The following CFTR variants were observed in gnomAD, a reference collection of about 807,000 sequenced individuals.
CFTR encodes the protein CF transmembrane conductance regulator, also known as cystic fibrosis transmembrane conductance regulator.
CFTR carries 181 observed loss-of-function variants against 171.6 expected under a neutral mutation model. The observed-to-expected ratio is 1.05, with a 90% CI of 0.93 to 1.19. The LOEUF is 1.19. CFTR is among the 50% of genes most tolerant of loss of function. CFTR has a pLI of 0.00. For synonymous variants in CFTR, 583 were observed against 608.0 expected, an observed-to-expected ratio of 0.96 and a Z score of 0.60; for missense variants, 1,968 against 1,734.7, an observed-to-expected ratio of 1.13 and a Z score of -2.39.
At chr7:117,513,117 C>T (rs976691806) in intron 3 of CFTR, among the ~76,000 whole-genome samples, 2 of 151,976 alleles carry the variant, frequency 1.3e-5, no homozygotes, top group African/African-American at 4.8e-5. Context: ...TGACAGGAGG[C>T]AGATTGATAA....
chr7:117,546,234 C>T (rs1799145289), intron 9 of CFTR, among the ~76,000 whole-genome samples: 1 of 151,932 alleles, frequency 6.6e-6, no homozygotes, highest in African/African-American at 2.4e-5. Context: ...CCTCGTGATC[C>T]ACTCGCCTCG....
chr7:117,481,094 T>C (rs940970657), intron 1 of CFTR, among the ~76,000 whole-genome samples: 4 of 152,304 alleles, frequency 2.6e-5, no homozygotes, highest in African/African-American at 9.6e-5. Context: ...AGCTCATATA[T>C]GTGTGTAGGG....
At chr7:117,586,573 A>G (rs1248628350) in intron 11 of CFTR, among the ~76,000 whole-genome samples, 1 of 152,178 alleles carries the variant, frequency 6.6e-6, no homozygotes, top group Non-Finnish European at 1.5e-5. Context: ...GTAAAGTCCT[A>G]TTTATGTCCA....
At chr7:117,497,377 C>T (rs1287283236) in intron 1 of CFTR, among the ~76,000 whole-genome samples, 2 of 152,034 alleles carry the variant, frequency 1.3e-5, no homozygotes, top group Admixed American at 6.6e-5. Flanking sequence ...TAAACCAAAG[C>T]CAAGCAGTTG....
At position 117,544,556 on chromosome 7, in the gene CFTR, A is replaced by G. The variant is rs1341222826; in HGVS notation, c.1209+2448A>G. 3.3e-5 allele frequency among the ~76,000 whole-genome samples: 5 copies of G among 152,196 alleles called. No individual in the cohort carries two copies. The East Asian group carries it at 9.6e-4, about 29-fold the overall frequency. ...TTCTTCTTTTGTGTCTAAGAGAAAG[A>G]TGTATACTTCTTCTTACCCTTGTCT... On this transcript the variant is annotated intron_variant, in intron 9 of 26. Coordinates refer to ENST00000003084, the MANE Select transcript of CFTR (RefSeq NM_000492.4).
intron 23 of CFTR, among the ~76,000 whole-genome samples, chr7:117,652,596 G>A (rs908108725): frequency 2.0e-5 from 3 of 151,844 alleles, no homozygotes; most frequent in Admixed American, 2.0e-4. Flanking sequence ...TTATTCTAAA[G>A]ACATTGGGAT....
intron 20 of CFTR, among the ~76,000 whole-genome samples, chr7:117,612,037 A>ATATATATATATATG (rs1792409432): frequency 1.4e-5 from 1 of 73,382 alleles, no homozygotes; most frequent in African/African-American, 6.1e-5. Flanking sequence ...ATATATATAT[A>ATATATATATATATG]TATATATATA....
At chr7:117,581,919 C>G (rs1445276498) in intron 11 of CFTR, among the ~76,000 whole-genome samples, 4 of 151,906 alleles carry the variant, frequency 2.6e-5, no homozygotes, top group African/African-American at 9.7e-5. Flanking sequence ...CCATACCTGG[C>G]TAAATTTTGC....
intron 21 of CFTR, 140 bp from the exon 22 acceptor site, chr7:117,627,382 G>A: frequency 2.3e-6 from 2 of 852,198 alleles, no homozygotes; most frequent in Non-Finnish European, 3.8e-6. Flanking sequence ...TTTCCTGTTA[G>A]TTCATTGAAA....
chr7:117,629,293 G>C (rs1300234082), intron 22 of CFTR, among the ~76,000 whole-genome samples: 3 of 152,124 alleles, frequency 2.0e-5, no homozygotes, highest in Admixed American at 6.6e-5. Flanking sequence ...TTTGTCAAAA[G>C]ACAAAATGAC....
chr7:117,654,202 G>A (rs1793129939), intron 24 of CFTR, among the ~76,000 whole-genome samples: 1 of 152,156 alleles, frequency 6.6e-6, no homozygotes, highest in South Asian at 2.1e-4. Context: ...ACTGGTCTGG[G>A]ATTGCATAGG....
intron 1 of CFTR, among the ~76,000 whole-genome samples, chr7:117,499,341 C>G (rs1051199444): frequency 2.7e-5 from 4 of 150,920 alleles, no homozygotes; most frequent in Non-Finnish European, 5.9e-5. Context: ...TTATAATTGG[C>G]AAGTTCTTTT....
At chr7:117,547,998 G>T (rs888632419) in intron 9 of CFTR, among the ~76,000 whole-genome samples, 2 of 152,148 alleles carry the variant, frequency 1.3e-5, no homozygotes, top group African/African-American at 4.8e-5. Flanking sequence ...GCTTCCCACG[G>T]GGGCAATAGT....
chr7:117,665,475 A>G lies in CFTR; in HGVS notation c.4153A>G (p.Arg1385Gly), dbSNP rs1438770412. Residue 1385 changes from arginine (R) to glycine (G), a missense_variant, in exon 26 of 27, where the codon AGA becomes GGA. Arg to Gly is a moderately radical substitution (Grantham distance 125). Transcript: ENST00000003084. ...HLDPVTYQII[R>G]RTLKQAFADC... The stretch of plus-strand genomic sequence containing the variant: ...CTTTTCTAGAACATACCAAATAATT[A>G]GAAGAACTCTAAAACAAGCATTTGC... 7 of 1,605,524 alleles carry G rather than the reference A, an allele frequency of 4.4e-6. No homozygotes were observed. The highest frequency in any genetic ancestry group is 6.0e-6 in the Non-Finnish European group (7 of 1,172,358).
At chr7:117,535,525 ATTTT>A (rs764945997) in intron 6 of CFTR, 114 bp downstream of exon 6, 717 of 497,822 alleles carry the variant, frequency 1.4e-3, no homozygotes, top group East Asian at 2.3e-3. Context: ...GTGTCATTAA[ATTTT>A]TTTTTTTTTT....
chr7:117,559,700 T>C (rs1562898581), intron 11 of CFTR, 45 bp downstream of exon 11: 5 of 1,280,326 alleles, frequency 3.9e-6, no homozygotes, highest in Non-Finnish European at 5.7e-6. Flanking sequence ...TATGAACCCT[T>C]CACACTACCC....
At chr7:117,631,081 T>C (rs555860837) in intron 22 of CFTR, among the ~76,000 whole-genome samples, 1 of 152,162 alleles carries the variant, frequency 6.6e-6, no homozygotes, top group South Asian at 2.1e-4. Flanking sequence ...CAAGTGATCC[T>C]CCCACCTCAT....
chr7:117,530,283 A>C (rs948249436), intron 3 of CFTR, among the ~76,000 whole-genome samples: 7 of 152,124 alleles, frequency 4.6e-5, no homozygotes, highest in African/African-American at 1.7e-4. Flanking sequence ...GGCTGATTTT[A>C]AATACCGCTA....
chr7:117,629,067 G>A (rs1792698288), intron 22 of CFTR, among the ~76,000 whole-genome samples: 2 of 152,032 alleles, frequency 1.3e-5, no homozygotes, highest in Non-Finnish European at 2.9e-5. Flanking sequence ...TAGAATTTGT[G>A]GAGTCCTCAT....
Sources: gnomAD v4.1 joint callset for allele counts (sites outside exome capture counted in the v4.1 genomes callset) on GRCh38, gnomAD v4.1.1 for gene constraint, MANE v1.5 for transcripts, NCBI Gene and HGNC (gene_info 2026-07-23, HGNC 2026-07-21) for gene names.